MCPH1: variants seen among roughly 807,000 people sequenced by gnomAD.
MCPH1 encodes microcephalin 1, also known as microcephalin.
Under a neutral mutation model 84.5 loss-of-function variants are expected in MCPH1, and 104 were observed. The observed-to-expected ratio is 1.23, with a 90% CI of 1.05 to 1.45. The LOEUF (loss-of-function observed/expected upper bound fraction) is 1.45. Ranked by LOEUF, MCPH1 falls within the 40% of genes most tolerant of loss-of-function variation. The pLI, the probability that MCPH1 is intolerant of heterozygous loss-of-function variation, is 0.00. For synonymous variants in MCPH1, 514 were observed against 366.8 expected (o/e 1.40, Z -4.58); for missense variants, 1,498 against 1,005.7 (o/e 1.49, Z -6.62).
At chr8:6,481,033 C>G (rs910683008) in intron 11 of MCPH1, among the ~76,000 whole-genome samples, 157 bp downstream of exon 11, 1 of 152,242 alleles carries the variant, frequency 6.6e-6, no homozygotes, top group Non-Finnish European at 1.5e-5. Flanking sequence ...TCCTGTTGGT[C>G]TCCCGTGGGC....
intron 11 of MCPH1, among the ~76,000 whole-genome samples, chr8:6,493,953 T>G (rs1810947709): frequency 6.6e-6 from 1 of 152,038 alleles, no homozygotes; most frequent in African/African-American, 2.4e-5. Context: ...TTTTTTTTTT[T>G]TCTTTGAGAC....
In MCPH1 at chr8:6,621,465, C is replaced by T. The variant is rs2912010; in HGVS notation, c.2226C>T (p.Ser742=). ...TGTCTGCCCCACAGCTGTGCCGAAGCGAGTGCCACTTGTCTGCAGGGCCGT... is the reference window on the plus strand; with the variant it reads ...TGTCTGCCCCACAGCTGTGCCGAAGTGAGTGCCACTTGTCTGCAGGGCCGT... ...HHFPAAPLCR[S]ECHLSAGPYR... Residue 742 remains serine (S), a synonymous_variant, in exon 13 of 14, where the codon AGC becomes AGT. Transcript: ENST00000344683. The T allele has an allele frequency of 0.41, 662,110 of 1,609,454 alleles. 139,190 individuals carry two copies. The highest frequency in any genetic ancestry group is 0.68 in the East Asian group (30,516 of 44,862).
chr8:6,434,308 T>C (rs1802322365), intron 4 of MCPH1, among the ~76,000 whole-genome samples: 1 of 152,178 alleles, frequency 6.6e-6, no homozygotes, highest in Non-Finnish European at 1.5e-5. Flanking sequence ...CCTGAGTCTA[T>C]ATGAACCAGC....
intron 11 of MCPH1, 142 bp downstream of exon 11, chr8:6,481,018 T>C: frequency 9.7e-7 from 1 of 1,034,986 alleles, no homozygotes; most frequent in South Asian, 1.4e-5. Context: ...AACACCCGTC[T>C]TTCCTCCTGT....
intron 6 of MCPH1, among the ~76,000 whole-genome samples, chr8:6,440,048 G>A (rs906960047): frequency 1.4e-4 from 22 of 152,088 alleles, no homozygotes; most frequent in African/African-American, 4.6e-4. Flanking sequence ...ATTATTATCC[G>A]CTTTATTTAC....
At chr8:6,544,783 T>C (rs1822252281) in intron 12 of MCPH1, among the ~76,000 whole-genome samples, 1 of 152,208 alleles carries the variant, frequency 6.6e-6, no homozygotes, top group South Asian at 2.1e-4. Flanking sequence ...AGAGCCTCCC[T>C]TACCTCCTGA....
intron 1 of MCPH1, chr8:6,407,187 C>G (rs1016889750): frequency 5.4e-6 from 1 of 185,740 alleles, no homozygotes; most frequent in Non-Finnish European, 1.1e-5. Context: ...TGGTCCTGTT[C>G]GACCCCCTCT....
chr8:6,436,273 GC>G, intron 5 of MCPH1, 111 bp downstream of exon 5: 1 of 1,189,558 alleles, frequency 8.4e-7, no homozygotes, highest in South Asian at 1.4e-5. Context: ...GACTATGATA[GC>G]TTTACTCTAT....
rs373000280 is a variant in MCPH1, at chr8:6,568,768, C to T, written c.2215-52686C>T. ...CCTCCTGAGACTGTCTCCCGCCTGC[C>T]GTCCTCAGCACGGCCTGCCCGGCTA... On this transcript the variant is annotated intron_variant, in intron 12 of 13. Transcript: ENST00000344683. 3.0e-4 allele frequency among the ~76,000 whole-genome samples: 46 copies of T among 152,348 alleles called. No individual in the cohort carries two copies. In the East Asian group the frequency reaches 4.1e-3, roughly 13 times the overall value.
At chr8:6,594,742 G>A (rs971037900) in intron 12 of MCPH1, among the ~76,000 whole-genome samples, 13 of 152,086 alleles carry the variant, frequency 8.5e-5, no homozygotes, top group Non-Finnish European at 1.3e-4. Context: ...GGATTGGCCT[G>A]TCACTTGCCA....
chr8:6,578,162 G>C (rs1025776463), intron 12 of MCPH1, among the ~76,000 whole-genome samples: 9 of 152,216 alleles, frequency 5.9e-5, no homozygotes, highest in African/African-American at 2.4e-5. Flanking sequence ...TTTGGACATG[G>C]TCTATGAGAG....
intron 12 of MCPH1, among the ~76,000 whole-genome samples, chr8:6,518,359 G>C (rs541737014): frequency 1.3e-5 from 2 of 152,210 alleles, no homozygotes; most frequent in East Asian, 3.8e-4. Context: ...GAGTCTGTTC[G>C]TTGCCTTTTC....
At chr8:6,605,023 C>G (rs1485100545) in intron 12 of MCPH1, among the ~76,000 whole-genome samples, 1 of 152,102 alleles carries the variant, frequency 6.6e-6, no homozygotes, top group Non-Finnish European at 1.5e-5. Flanking sequence ...GAACTAAGGA[C>G]TAGAGAAGTC....
At chr8:6,540,351 C>G (rs1028826784) in intron 12 of MCPH1, among the ~76,000 whole-genome samples, 1 of 152,166 alleles carries the variant, frequency 6.6e-6, no homozygotes, top group East Asian at 1.9e-4. Flanking sequence ...TCATCAATAG[C>G]AGGCATTTTA....
At chr8:6,502,929 A>C in intron 12 of MCPH1, 1 of 698,734 alleles carries the variant, frequency 1.4e-6, no homozygotes, top group Non-Finnish European at 2.4e-6. Flanking sequence ...AAGTGATGCA[A>C]GTTTAAGTGA....
intron 13 of MCPH1, among the ~76,000 whole-genome samples, chr8:6,639,165 A>G (rs1254619219): frequency 6.6e-6 from 1 of 152,098 alleles, no homozygotes; most frequent in Non-Finnish European, 1.5e-5. Context: ...GGAAGGGTGG[A>G]TGGGTGGATG....
intron 9 of MCPH1, 143 bp from the exon 10 acceptor site, chr8:6,477,451 G>C: frequency 1.4e-6 from 1 of 699,180 alleles, no homozygotes; most frequent in Non-Finnish European, 2.4e-6. Flanking sequence ...GGAATATAAA[G>C]GTTTTTTTTC....
intron 13 of MCPH1, among the ~76,000 whole-genome samples, chr8:6,624,423 G>A (rs2129581239): frequency 6.6e-6 from 1 of 152,248 alleles, no homozygotes; most frequent in South Asian, 2.1e-4. Flanking sequence ...AGCGTAGTGG[G>A]CGTCTCCAGT....
Position 6,446,133 on chromosome 8 carries a change from C to T in MCPH1, c.1825+586C>T, listed in dbSNP as rs1054075. On this transcript the variant is annotated intron_variant, in intron 8 of 13. Transcript: ENST00000344683. Reference sequence around the variant, plus strand: ...CCTTGTTTAACTTGTACTTATTTTGCTTGAAGCATCACTTGAAAAGGTTTA... The same window carrying T: ...CCTTGTTTAACTTGTACTTATTTTGTTTGAAGCATCACTTGAAAAGGTTTA... The T allele has an allele frequency of 7.3e-4, 689 of 939,074 alleles. 6 individuals carry two copies. The African/African-American group carries it at 0.011, about 15-fold the overall frequency. 58.2% of individuals were successfully genotyped at this position (939,074 alleles called of 1,614,324 possible). A position where few individuals can be genotyped will look rare whatever the true frequency, so the allele number is the denominator to read the frequency against.
Sources: gnomAD v4.1 joint callset for allele counts (sites outside exome capture counted in the v4.1 genomes callset) on GRCh38, gnomAD v4.1.1 for gene constraint, MANE v1.5 for transcripts, NCBI Gene and HGNC (gene_info 2026-07-23, HGNC 2026-07-21) for gene names.